The following OPCML variants were observed in gnomAD, a reference collection of about 807,000 sequenced individuals.
OPCML encodes the protein opioid-binding protein/cell adhesion molecule.
A neutral mutation model predicts 37.8 loss-of-function variants in OPCML; 13 were observed. The ratio of observed to expected loss-of-function variants is 0.34; its 90% CI spans 0.22 to 0.55. The LOEUF is 0.55. Ranked by LOEUF, OPCML falls within the 20% of genes least tolerant of loss-of-function variation. The pLI, the probability that OPCML is intolerant of heterozygous loss-of-function variation, is 0.91. For missense variants in OPCML, 341 were observed against 435.6 expected, an observed-to-expected ratio of 0.78 and a Z score of 1.93; for synonymous variants, 176 against 168.8, an observed-to-expected ratio of 1.04 and a Z score of -0.33.
At position 132,537,699 on chromosome 11, in the gene OPCML, C is replaced by A. The variant is rs546115934; in HGVS notation, c.380-8513G>T. The stretch of plus-strand genomic sequence containing the variant: ...CATATATCTAATAACGGACTACTGT[C>A]AAAATATGTAAAAGCAATAAAATGT... On this transcript the variant is annotated intron_variant, in intron 3 of 7. Coordinates refer to ENST00000524381, the MANE Select transcript of OPCML (RefSeq NM_001012393.5). Among the ~76,000 whole-genome samples, 169 of 152,146 alleles carry A rather than the reference C, an allele frequency of 1.1e-3. 4 individuals are homozygous for A. In the South Asian group the frequency reaches 0.034, roughly 30 times the overall value.
intron 1 of OPCML, among the ~76,000 whole-genome samples, chr11:133,483,920 A>G (rs897881678): frequency 6.6e-6 from 1 of 151,660 alleles, no homozygotes; most frequent in Non-Finnish European, 1.5e-5. Flanking sequence ...GGATAGATTC[A>G]TAGATGAAAG....
intron 4 of OPCML, among the ~76,000 whole-genome samples, chr11:132,508,469 AC>A (rs76628302): frequency 0.17 from 25,546 of 151,806 alleles, 3,018 homozygotes; most frequent in East Asian, 0.61. Flanking sequence ...GCCAAAAAAA[AC>A]ATTGGACAAA....
intron 2 of OPCML, among the ~76,000 whole-genome samples, chr11:132,858,985 A>C (rs1591712873): frequency 6.6e-6 from 1 of 152,194 alleles, no homozygotes; most frequent in East Asian, 1.9e-4. Context: ...AGCCAAGGGT[A>C]CTTGATTGAT....
intron 1 of OPCML, among the ~76,000 whole-genome samples, chr11:133,060,767 C>T (rs1948327310): frequency 6.6e-6 from 1 of 152,252 alleles, no homozygotes; most frequent in Admixed American, 6.5e-5. Flanking sequence ...GGGAACGCTG[C>T]ACACAGCAGC....
intron 2 of OPCML, among the ~76,000 whole-genome samples, chr11:132,751,465 C>T (rs566951864): frequency 6.6e-5 from 10 of 152,334 alleles, no homozygotes; most frequent in African/African-American, 2.4e-4. Context: ...CAGTCAAATA[C>T]TAAATTCATT....
At chr11:132,931,435 A>G in intron 2 of OPCML, among the ~76,000 whole-genome samples, 1 of 152,220 alleles carries the variant, frequency 6.6e-6, no homozygotes, top group African/African-American at 2.4e-5. Flanking sequence ...ATAAGGGTCA[A>G]TATCCAGAAT....
At chr11:132,906,895 G>A (rs1029629407) in intron 2 of OPCML, among the ~76,000 whole-genome samples, 1 of 152,130 alleles carries the variant, frequency 6.6e-6, no homozygotes, top group African/African-American at 2.4e-5. Flanking sequence ...GAGGGTAGTG[G>A]GGATTGAAGC....
At chr11:133,411,909 C>T (rs1174416574) in intron 1 of OPCML, among the ~76,000 whole-genome samples, 1 of 152,180 alleles carries the variant, frequency 6.6e-6, no homozygotes, top group African/African-American at 2.4e-5. Flanking sequence ...AGGGAAGTGG[C>T]TTCCCCCCAC....
chr11:133,088,311 TCTAA>T (rs1481158967), intron 1 of OPCML, among the ~76,000 whole-genome samples: 2 of 152,236 alleles, frequency 1.3e-5, no homozygotes, highest in African/African-American at 4.8e-5. Flanking sequence ...CACCTTTGCC[TCTAA>T]CTTAGTTAAT....
At chr11:132,655,277 C>T (rs1275338801) in intron 3 of OPCML, among the ~76,000 whole-genome samples, 1 of 152,208 alleles carries the variant, frequency 6.6e-6, no homozygotes, top group Non-Finnish European at 1.5e-5. Flanking sequence ...TGAGGTGGCA[C>T]TTCCGATGCC....
chr11:133,458,309 C>T (rs1246293824), intron 1 of OPCML, among the ~76,000 whole-genome samples: 5 of 33,686 alleles, frequency 1.5e-4, no homozygotes, highest in Non-Finnish European at 2.1e-4. Context: ...TATATATACA[C>T]ATATATACAC....
intron 1 of OPCML, among the ~76,000 whole-genome samples, chr11:133,207,111 C>A (rs1182067201): frequency 5.0e-5 from 7 of 140,358 alleles, no homozygotes; most frequent in Admixed American, 2.9e-4. Context: ...CACGGTGAAA[C>A]CCTCTACTAA....
chr11:133,024,138 A>G (rs1947504111), intron 1 of OPCML, among the ~76,000 whole-genome samples: 1 of 152,182 alleles, frequency 6.6e-6, no homozygotes, highest in African/African-American at 2.4e-5. Flanking sequence ...ACCTGAGCAT[A>G]TGTTACAGAC....
chr11:132,991,672 C>T (rs1158180556), intron 1 of OPCML, among the ~76,000 whole-genome samples: 1 of 152,124 alleles, frequency 6.6e-6, no homozygotes, highest in Non-Finnish European at 1.5e-5. Context: ...TCAACACAGC[C>T]CTAAAACAGA....
At chr11:132,852,106 G>A (rs557404661) in intron 2 of OPCML, among the ~76,000 whole-genome samples, 26 of 152,262 alleles carry the variant, frequency 1.7e-4, no homozygotes, top group Admixed American at 1.4e-3. Context: ...CAGTCGAGGC[G>A]AGAAATCTGT....
intron 1 of OPCML, among the ~76,000 whole-genome samples, chr11:133,278,167 G>T (rs148496142): frequency 9.5e-4 from 145 of 152,192 alleles, no homozygotes; most frequent in South Asian, 3.3e-3. Context: ...ATCAGGCTTG[G>T]ATCTCTTGGC....
intron 3 of OPCML, among the ~76,000 whole-genome samples, chr11:132,616,863 C>T (rs1231669467): frequency 6.6e-6 from 1 of 152,226 alleles, no homozygotes; most frequent in Non-Finnish European, 1.5e-5. Flanking sequence ...GGAGGACACA[C>T]TGGTTGTGTC....
At chr11:133,168,248 G>A (rs1310513131) in intron 1 of OPCML, among the ~76,000 whole-genome samples, 1 of 152,184 alleles carries the variant, frequency 6.6e-6, no homozygotes, top group East Asian at 1.9e-4. Flanking sequence ...GATACTCCAG[G>A]GATGTGCTTT....
intron 2 of OPCML, among the ~76,000 whole-genome samples, chr11:132,725,374 T>G (rs1397757074): frequency 6.6e-6 from 1 of 152,128 alleles, no homozygotes; most frequent in Non-Finnish European, 1.5e-5. Context: ...TACCAAGTCC[T>G]TAGGATGCAC....
Sources: allele counts gnomAD v4.1 joint callset (sites outside exome capture counted in the v4.1 genomes callset), GRCh38; gene constraint gnomAD v4.1.1; transcripts MANE v1.5; gene names NCBI Gene and HGNC (gene_info 2026-07-23, HGNC 2026-07-21).